MSRA: variants seen among roughly 807,000 people sequenced by gnomAD.
MSRA encodes the protein methionine sulfoxide reductase A, also known as mitochondrial peptide methionine sulfoxide reductase.
Under a neutral mutation model 31.3 loss-of-function variants are expected in MSRA, and 54 were observed. That is an observed-to-expected ratio of 1.73 (90% CI 1.39 to 2.17). The LOEUF (loss-of-function observed/expected upper bound fraction) is 2.17, where lower values mean the gene tolerates loss of function less well. Ranked by LOEUF, MSRA falls within the 30% of genes most tolerant of loss-of-function variation. The pLI is 0.00. For missense variants in MSRA, 507 were observed against 300.9 expected, an observed-to-expected ratio of 1.69 and a Z score of -5.07; for synonymous variants, 169 against 116.5, an observed-to-expected ratio of 1.45 and a Z score of -2.90.
chr8:10,377,854 C>G (rs925756350), intron 5 of MSRA, among the ~76,000 whole-genome samples: 9 of 152,190 alleles, frequency 5.9e-5, no homozygotes, highest in Admixed American at 1.3e-4. Flanking sequence ...CTGGGATCCA[C>G]TTTGCACAGA....
rs563635724 is a variant in MSRA at position 10,190,282 on chromosome 8, G to A, written c.143-17551G>A. The stretch of plus-strand genomic sequence containing the variant: ...TGCGACCTCAAACCCTCAGCCTGGT[G>A]GTAATGTTTCTGCAGCCCTCCCCAC... On this transcript the variant is annotated intron_variant, in intron 1 of 5. Coordinates refer to ENST00000317173, the MANE Select transcript of MSRA (RefSeq NM_012331.5). Among the ~76,000 whole-genome samples, 16 of 152,266 alleles carry A rather than the reference G, an allele frequency of 1.1e-4. No individual in the cohort carries two copies. The South Asian group carries it at 3.1e-3, about 30-fold the overall frequency.
At chr8:10,408,566 G>T (rs1035733454) in intron 5 of MSRA, among the ~76,000 whole-genome samples, 1 of 152,096 alleles carries the variant, frequency 6.6e-6, no homozygotes, top group Non-Finnish European at 1.5e-5. Context: ...AGAGGAGTAG[G>T]TAATAAAAAA....
chr8:10,111,631 T>G (rs1786498396), intron 1 of MSRA, among the ~76,000 whole-genome samples: 1 of 152,204 alleles, frequency 6.6e-6, no homozygotes, highest in African/African-American at 2.4e-5. Context: ...GCCTAGGTAT[T>G]TTGAGATCTT....
At chr8:10,121,790 C>A (rs1313259916) in intron 1 of MSRA, among the ~76,000 whole-genome samples, 1 of 151,950 alleles carries the variant, frequency 6.6e-6, no homozygotes, top group African/African-American at 2.4e-5. Context: ...CCCACCTCAG[C>A]CTCCCAAGTA....
chr8:10,127,091 C>G (rs1341278286), intron 1 of MSRA, among the ~76,000 whole-genome samples: 1 of 152,204 alleles, frequency 6.6e-6, no homozygotes, highest in Non-Finnish European at 1.5e-5. Context: ...CTCTAGAATT[C>G]ATAACTTTGT....
intron 3 of MSRA, among the ~76,000 whole-genome samples, chr8:10,284,353 T>C (rs1251974485): frequency 6.6e-6 from 1 of 151,940 alleles, no homozygotes; most frequent in African/African-American, 2.4e-5. Flanking sequence ...CACACCCGGC[T>C]AATTTTTTTT....
At chr8:10,373,049 A>T (rs1224351595) in intron 5 of MSRA, among the ~76,000 whole-genome samples, 1 of 152,044 alleles carries the variant, frequency 6.6e-6, no homozygotes, top group Non-Finnish European at 1.5e-5. Context: ...CATTTACCAC[A>T]CCAGCTAATT....
chr8:10,201,760 C>T (rs1318580890), intron 1 of MSRA, among the ~76,000 whole-genome samples: 1 of 152,188 alleles, frequency 6.6e-6, no homozygotes, highest in Non-Finnish European at 1.5e-5. Flanking sequence ...TGACTTTGAC[C>T]CAGTCTTGGT....
At chr8:10,079,966 T>C (rs1341967349) in intron 1 of MSRA, among the ~76,000 whole-genome samples, 1 of 152,246 alleles carries the variant, frequency 6.6e-6, no homozygotes, top group Non-Finnish European at 1.5e-5. Flanking sequence ...GCGGTAATTT[T>C]AAGTGCTTTC....
chr8:10,292,163 C>A (rs957987467), intron 3 of MSRA, among the ~76,000 whole-genome samples: 23 of 152,182 alleles, frequency 1.5e-4, no homozygotes, highest in Admixed American at 5.9e-4. Flanking sequence ...TGGTTAGGGA[C>A]AGAGGGTTGG....
chr8:10,214,526 C>T (rs747624352), intron 2 of MSRA, among the ~76,000 whole-genome samples: 4 of 151,560 alleles, frequency 2.6e-5, no homozygotes, highest in Non-Finnish European at 5.9e-5. Flanking sequence ...GGTAAATAAC[C>T]GAGTCCCGGT....
chr8:10,404,794 A>T (rs1433304345), intron 5 of MSRA, among the ~76,000 whole-genome samples: 2 of 151,990 alleles, frequency 1.3e-5, no homozygotes, highest in East Asian at 3.9e-4. Context: ...CACCCACCTC[A>T]CTGGGACCCT....
At chr8:10,360,187 A>G (rs974380068) in intron 5 of MSRA, among the ~76,000 whole-genome samples, 1 of 152,136 alleles carries the variant, frequency 6.6e-6, no homozygotes, top group South Asian at 2.1e-4. Context: ...AGTGTTAGCC[A>G]CTGTTGTCAA....
Position 10,325,338 on chromosome 8 carries a change from T to C in MSRA, c.543+5349T>C, listed in dbSNP as rs570025138. On this transcript the variant is annotated intron_variant, in intron 5 of 5. Coordinates refer to ENST00000317173, the MANE Select transcript of MSRA (RefSeq NM_012331.5). ...ATATACCATAATTATGTATAATACGTATATCTATATAATATATAGCTATAT... is the reference window on the plus strand; with the variant it reads ...ATATACCATAATTATGTATAATACGCATATCTATATAATATATAGCTATAT... Among the ~76,000 whole-genome samples, 10 of 152,086 alleles carry C rather than the reference T, an allele frequency of 6.6e-5. No homozygotes were observed. In the South Asian group the frequency reaches 1.9e-3, roughly 28 times the overall value.
At chr8:10,178,725 G>A (rs1190366669) in intron 1 of MSRA, among the ~76,000 whole-genome samples, 1 of 152,108 alleles carries the variant, frequency 6.6e-6, no homozygotes, top group African/African-American at 2.4e-5. Context: ...TCATAAGTAG[G>A]CTGTGATGTT....
intron 1 of MSRA, among the ~76,000 whole-genome samples, chr8:10,070,563 G>A (rs759941255): frequency 9.2e-5 from 14 of 152,150 alleles, no homozygotes; most frequent in Non-Finnish European, 1.5e-4. Flanking sequence ...TCATTACAAC[G>A]AGGATATTGA....
At chr8:10,417,753 G>GA (rs1808556575) in intron 5 of MSRA, among the ~76,000 whole-genome samples, 1 of 20,382 alleles carries the variant, frequency 4.9e-5, no homozygotes, top group Non-Finnish European at 8.6e-5. Context: ...AAACCTGCAT[G>GA]TTGTGTGTGT....
At chr8:10,416,894 C>A (rs1386894022) in intron 5 of MSRA, among the ~76,000 whole-genome samples, 2 of 152,220 alleles carry the variant, frequency 1.3e-5, no homozygotes, top group Non-Finnish European at 2.9e-5. Flanking sequence ...CACAACTCAG[C>A]TTGTAGCTCT....
At position 10,302,136 on chromosome 8, in the gene MSRA, TG is replaced by T. The variant is rs1338324867; in HGVS notation, c.436+499del. On this transcript the variant is annotated intron_variant, in intron 4 of 5. Transcript: ENST00000317173. The stretch of plus-strand genomic sequence containing the variant: ...CAGTATTCACTAGGTCCACAAAGCT[TG>T]CTCATTTAAATATTTCATTTGTTCT... Among the ~76,000 whole-genome samples the T allele has an allele frequency of 8.5e-5, 13 of 152,384 alleles. No individual in the cohort carries two copies. In the East Asian group the frequency reaches 2.5e-3, roughly 29 times the overall value.
Sources: gnomAD v4.1 joint callset for allele counts (sites outside exome capture counted in the v4.1 genomes callset) on GRCh38, gnomAD v4.1.1 for gene constraint, MANE v1.5 for transcripts, NCBI Gene and HGNC (gene_info 2026-07-23, HGNC 2026-07-21) for gene names.